Variants in NALCN observed in about 807,000 individuals in gnomAD.
NALCN encodes sodium leak channel NALCN.
A neutral mutation model predicts 225.3 loss-of-function variants in NALCN; 111 were observed. The observed-to-expected ratio is 0.49, with a 90% confidence interval of 0.42 to 0.58. The LOEUF (loss-of-function observed/expected upper bound fraction) is 0.58, where lower values mean the gene tolerates loss of function less well. Ranked by LOEUF, NALCN falls within the 20% of genes least tolerant of loss-of-function variation. The pLI, the probability that NALCN is intolerant of heterozygous loss-of-function variation, is 0.00. For missense variants in NALCN, 1,378 were observed against 2,202.4 expected, an observed-to-expected ratio of 0.63 and a Z score of 7.49; for synonymous variants, 764 against 769.0, an observed-to-expected ratio of 0.99 and a Z score of 0.11.
chr13:101,186,973 T>C (rs1322257323), intron 14 of NALCN, among the ~76,000 whole-genome samples: 2 of 152,142 alleles, frequency 1.3e-5, no homozygotes, highest in Non-Finnish European at 1.5e-5. Flanking sequence ...GAAAAACCGA[T>C]AGTTTTGACC....
chr13:101,055,511 G>C (rs760004707), intron 43 of NALCN, 23 bp from the exon 44 acceptor site: 1 of 1,604,330 alleles, frequency 6.2e-7, no homozygotes, highest in East Asian at 2.2e-5. Flanking sequence ...TGAGTCCTAT[G>C]AGCCACTTGG....
chr13:101,056,501 A>G (rs2031280486), intron 43 of NALCN, among the ~76,000 whole-genome samples: 1 of 151,772 alleles, frequency 6.6e-6, no homozygotes. Context: ...GCCTCAAATG[A>G]TCCACCTGCC....
At chr13:101,276,374 A>G (rs1162340212) in intron 10 of NALCN, among the ~76,000 whole-genome samples, 1 of 152,220 alleles carries the variant, frequency 6.6e-6, no homozygotes. Context: ...AATATAATTA[A>G]GTTGATTAAC....
chr13:101,242,756 T>C lies in NALCN; in HGVS notation c.1267-4834A>G, dbSNP rs551348245. Among the ~76,000 whole-genome samples the C allele has an allele frequency of 9.4e-5, 10 of 106,116 alleles. 3 individuals carry two copies. Among genetic ancestry groups the C allele is most frequent in the African/African-American group, 3.4e-4 (10 of 29,650 alleles). 69.6% of individuals were successfully genotyped at this position (106,116 alleles called of 152,430 possible). On this transcript the variant is annotated intron_variant, in intron 11 of 43. Coordinates refer to ENST00000251127, the MANE Select transcript of NALCN (RefSeq NM_052867.4). The stretch of plus-strand genomic sequence containing the variant: ...AGTTTTCTCAAATAAATACAAAGGG[T>C]TTTATGCTCTCTTAGTCCTTTTGTA...
intron 9 of NALCN, among the ~76,000 whole-genome samples, chr13:101,289,486 T>C (rs2043466392): frequency 6.6e-6 from 1 of 151,226 alleles, no homozygotes; most frequent in African/African-American, 2.4e-5. Flanking sequence ...GTGAGCTGCC[T>C]AATATAACAG....
At chr13:101,223,608 G>A (rs948129684) in intron 13 of NALCN, among the ~76,000 whole-genome samples, 5 of 151,852 alleles carry the variant, frequency 3.3e-5, no homozygotes, top group Admixed American at 2.0e-4. Flanking sequence ...ATCCCCTATC[G>A]ACCTCAATCT....
intron 14 of NALCN, among the ~76,000 whole-genome samples, chr13:101,186,394 G>A (rs113591353): frequency 7.2e-5 from 11 of 152,280 alleles, no homozygotes; most frequent in African/African-American, 2.2e-4. Context: ...GTACCTGCAC[G>A]TGGTAGTAGA....
At chr13:101,258,655 A>G in intron 10 of NALCN, 81 bp from the exon 11 acceptor site, 2 of 1,580,734 alleles carry the variant, frequency 1.3e-6, no homozygotes, top group South Asian at 2.3e-5. Context: ...CTTGGCTGAC[A>G]GCACCTTTGT....
At chr13:101,202,976 G>A (rs541650459) in intron 13 of NALCN, among the ~76,000 whole-genome samples, 3 of 152,270 alleles carry the variant, frequency 2.0e-5, no homozygotes, top group Admixed American at 6.5e-5. Flanking sequence ...CTAAGTCACC[G>A]ACTTACTTAA....
chr13:101,287,897 T>C (rs868255030), intron 9 of NALCN, among the ~76,000 whole-genome samples: 1 of 152,180 alleles, frequency 6.6e-6, no homozygotes, highest in South Asian at 2.1e-4. Flanking sequence ...AGAGAAAGAA[T>C]CTTGGTAATG....
chr13:101,078,600 C>T (rs1334367320), intron 34 of NALCN, among the ~76,000 whole-genome samples: 3 of 152,322 alleles, frequency 2.0e-5, no homozygotes, highest in Admixed American at 6.5e-5. Flanking sequence ...TATATTTACC[C>T]AATGCCTGTA....
intron 18 of NALCN, among the ~76,000 whole-genome samples, chr13:101,119,927 T>A (rs552778240): frequency 6.7e-6 from 1 of 149,402 alleles, no homozygotes; most frequent in African/African-American, 2.5e-5. Flanking sequence ...AATGGCCCAC[T>A]TTTTTTTTTC....
intron 3 of NALCN, among the ~76,000 whole-genome samples, chr13:101,387,745 A>G (rs758025271): frequency 6.6e-6 from 1 of 152,182 alleles, no homozygotes; most frequent in Non-Finnish European, 1.5e-5. Flanking sequence ...CTTGAGTAAT[A>G]TGAGAGGTCC....
Position 101,104,368 on chromosome 13 carries a change from G to A in NALCN, c.2816C>T (p.Ala939Val). ...AGTTGGAGTGAAAAATAAGCCATCT[G>A]CCATAATCTTCAGATTAAGCTCAAT... ...MSIELNLKIM[A>V]DGLFFTPTAV... Residue 939 changes from alanine (A) to valine (V), a missense_variant, in exon 25 of 44, where the codon GCA becomes GTA. Coordinates refer to ENST00000251127, the MANE Select transcript of NALCN (RefSeq NM_052867.4). The surrounding 1 kb of genome is among the most constrained non-coding windows in gnomAD (Gnocchi z 4.2). 1.2e-6 allele frequency: 2 copies of A among 1,613,828 alleles called. No homozygotes were observed. Among genetic ancestry groups the A allele is most frequent in the Non-Finnish European group, 1.7e-6 (2 of 1,179,838 alleles).
intron 15 of NALCN, among the ~76,000 whole-genome samples, chr13:101,171,740 G>A (rs1230538799): frequency 1.3e-5 from 2 of 152,174 alleles, no homozygotes; most frequent in Admixed American, 1.3e-4. Flanking sequence ...TGGAGAGGCG[G>A]TGATGGGAAT....
At chr13:101,250,513 G>A (rs963232692) in intron 11 of NALCN, among the ~76,000 whole-genome samples, 1 of 151,898 alleles carries the variant, frequency 6.6e-6, no homozygotes, top group Non-Finnish European at 1.5e-5. Context: ...ACAGGAGTGA[G>A]GAAAGAATGA....
At chr13:101,173,901 A>G (rs2038851268) in intron 15 of NALCN, among the ~76,000 whole-genome samples, 1 of 152,198 alleles carries the variant, frequency 6.6e-6, no homozygotes, top group South Asian at 2.1e-4. Context: ...AGGTATCCAC[A>G]TGACCACATG....
chr13:101,105,007 T>G (rs2035023435), intron 22 of NALCN, 57 bp from the exon 23 acceptor site: 6 of 1,473,756 alleles, frequency 4.1e-6, no homozygotes, highest in Non-Finnish European at 5.7e-6. Flanking sequence ...TTTAACTTGC[T>G]AAAAATCATA....
At position 101,068,442 on chromosome 13, in the gene NALCN, A is replaced by G. The variant is rs589052; in HGVS notation, c.4330+253T>C. On this transcript the variant is annotated intron_variant, in intron 38 of 43. Transcript: ENST00000251127. ...AGATAGTCCTCTCTGATATTTGTTC[A>G]ACTCAATCCATGAGAAGAGCCCTTT... 0.047 allele frequency among the ~76,000 whole-genome samples: 7,226 copies of G among 152,276 alleles called. 542 individuals are homozygous for G. Among genetic ancestry groups the G allele is most frequent in the African/African-American group, 0.16 (6,724 of 41,520 alleles).
Sources: gnomAD v4.1 joint callset for allele counts (sites outside exome capture counted in the v4.1 genomes callset) on GRCh38, gnomAD v4.1.1 for gene constraint, Gnocchi (gnomAD v3.1) non-coding constraint, MANE v1.5 for transcripts, NCBI Gene and HGNC (gene_info 2026-07-23, HGNC 2026-07-21) for gene names.